CDON: variants seen among roughly 807,000 people sequenced by gnomAD.
The protein encoded by CDON is cell adhesion associated, oncogene regulated.
Under a neutral mutation model 120.9 loss-of-function variants are expected in CDON, and 73 were observed. That is an observed-to-expected ratio of 0.60 (90% CI 0.50 to 0.73). The LOEUF (loss-of-function observed/expected upper bound fraction) is 0.73. Ranked by LOEUF, CDON falls within the 30% of genes least tolerant of loss-of-function variation. CDON has a pLI of 0.00. For synonymous variants in CDON, 566 were observed against 573.5 expected, an observed-to-expected ratio of 0.99 and a Z score of 0.19; for missense variants, 1,470 against 1,587.3, an observed-to-expected ratio of 0.93 and a Z score of 1.26.
chr11:126,028,503 C>T (rs1260819310), intron 1 of CDON, among the ~76,000 whole-genome samples: 3 of 152,018 alleles, frequency 2.0e-5, no homozygotes, highest in African/African-American at 7.2e-5. Context: ...GCTGGGATTA[C>T]AGGCACGTGC....
At chr11:126,047,638 G>A (rs761811083) in intron 1 of CDON, among the ~76,000 whole-genome samples, 21 of 152,180 alleles carry the variant, frequency 1.4e-4, no homozygotes, top group Non-Finnish European at 2.5e-4. Context: ...CATTTTGCCT[G>A]TAAAGACTAA....
chr11:125,961,920 A>T lies in CDON; in HGVS notation c.3435T>A (p.Asp1145Glu). 2 of 1,614,218 alleles carry T rather than the reference A, an allele frequency of 1.2e-6. No homozygotes were observed. The highest frequency in any genetic ancestry group is 1.7e-6 in the Non-Finnish European group (2 of 1,180,028). The change falls in exon 19 of 20, where the codon GAT becomes GAA. Residue 1145 changes from aspartate (D) to glutamate (E), a missense_variant. Asp to Glu is a conservative substitution (Grantham distance 45, BLOSUM62 2). Coordinates refer to ENST00000531738, the MANE Select transcript of CDON (RefSeq NM_001378964.1). The part of the protein sequence containing the change: ...VVPVVAPYPQ[D>E]GLEMKPLSHV... Reference sequence around the variant, plus strand: ...GACTGAGGGGCTTCATTTCCAAACCATCCTGAGGATAAGGTGCTACCACAG... The same window carrying T: ...GACTGAGGGGCTTCATTTCCAAACCTTCCTGAGGATAAGGTGCTACCACAG...
chr11:126,018,488 G>T lies in CDON; in HGVS notation c.497-15C>A, dbSNP rs1328395359. 1.2e-6 allele frequency: 2 copies of T among 1,612,552 alleles called. No homozygotes were observed. Among genetic ancestry groups the T allele is most frequent in the African/African-American group, 2.7e-5 (2 of 74,878 alleles). On this transcript the variant is annotated splice_polypyrimidine_tract_variant and intron_variant, in intron 4 of 19. Coordinates refer to ENST00000531738, the MANE Select transcript of CDON (RefSeq NM_001378964.1). ...TAAGTAATTCTCTGAGGAAGGAAGG[G>T]AGTGCAGTTAGGCCTCTCCCTTTAT...
At position 125,985,786 on chromosome 11, in the gene CDON, G is replaced by A. The variant is rs138091866; in HGVS notation, c.2774-1693C>T. ...ATGAGATACCATCTCACACCAGTTA[G>A]AATGGCGATCATTAAAAAGTCAGCA... On this transcript the variant is annotated intron_variant, in intron 15 of 19. Coordinates refer to ENST00000531738, the MANE Select transcript of CDON (RefSeq NM_001378964.1). Among the ~76,000 whole-genome samples the A allele has an allele frequency of 6.9e-3, 1,052 of 152,004 alleles. 5 individuals carry two copies. The highest frequency in any genetic ancestry group is 0.012 in the Non-Finnish European group (790 of 67,976).
At chr11:126,059,259 G>A (rs1442824318) in intron 1 of CDON, among the ~76,000 whole-genome samples, 1 of 152,196 alleles carries the variant, frequency 6.6e-6, no homozygotes, top group Non-Finnish European at 1.5e-5. Flanking sequence ...ATATGCTTGT[G>A]CTTCGGAGGG....
intron 1 of CDON, among the ~76,000 whole-genome samples, chr11:126,041,438 T>A (rs547176092): frequency 1.3e-5 from 2 of 152,222 alleles, no homozygotes; most frequent in East Asian, 3.9e-4. Context: ...CACAACAGAC[T>A]CTCTTCACAC....
intron 2 of CDON, among the ~76,000 whole-genome samples, chr11:126,022,110 A>G (rs1947660847): frequency 6.6e-6 from 1 of 151,014 alleles, no homozygotes; most frequent in Non-Finnish European, 1.5e-5. Flanking sequence ...TCAAAAAAAA[A>G]AAAAAAAAAA....
intron 7 of CDON, among the ~76,000 whole-genome samples, chr11:126,011,690 A>T (rs1947308134): frequency 6.6e-6 from 1 of 152,190 alleles, no homozygotes; most frequent in Non-Finnish European, 1.5e-5. Flanking sequence ...TCAGCTTTTA[A>T]CAGTATCTAT....
chr11:125,992,099 T>A (rs1023485452), intron 14 of CDON, among the ~76,000 whole-genome samples: 10 of 152,130 alleles, frequency 6.6e-5, no homozygotes, highest in Admixed American at 5.9e-4. Context: ...TTTATTTACA[T>A]GTCTTGTTTA....
intron 4 of CDON, 71 bp downstream of exon 4, chr11:126,019,548 G>GA: frequency 6.5e-7 from 1 of 1,536,654 alleles, no homozygotes; most frequent in South Asian, 1.1e-5. Context: ...CTAGCACACA[G>GA]AGCTTAGAAG....
chr11:125,994,537 AT>A (rs1261703001), intron 13 of CDON, 148 bp from the exon 14 acceptor site: 20 of 661,080 alleles, frequency 3.0e-5, no homozygotes, highest in Non-Finnish European at 5.1e-5. Context: ...CTTCAAAGGT[AT>A]TAAAAGCATT....
intron 1 of CDON, among the ~76,000 whole-genome samples, chr11:126,062,139 T>G (rs1948813025): frequency 6.6e-6 from 1 of 152,100 alleles, no homozygotes; most frequent in South Asian, 2.1e-4. Context: ...AAAGATACAT[T>G]GTGCAGGAAA....
rs972170135 is a variant in CDON at position 125,996,839 on chromosome 11, G to A, written c.2362+368C>T. ...ATTTTCACATTTTTATACAATAAGC[G>A]TGAATACTTTAACAATTCGAAAAAA... is the stretch of plus-strand genomic sequence containing the variant. On this transcript the variant is annotated intron_variant, in intron 12 of 19. Transcript: ENST00000531738. Among the ~76,000 whole-genome samples the A allele has an allele frequency of 7.3e-5, 11 of 150,840 alleles. No homozygotes were observed. The East Asian group carries it at 9.9e-4, about 14-fold the overall frequency.
intron 11 of CDON, among the ~76,000 whole-genome samples, chr11:125,997,741 G>A (rs1386531853): frequency 6.6e-6 from 1 of 152,136 alleles, no homozygotes; most frequent in Non-Finnish European, 1.5e-5. Context: ...TTTGATTGTG[G>A]TTAAAATTTA....
At chr11:126,040,920 G>A (rs1948243964) in intron 1 of CDON, among the ~76,000 whole-genome samples, 1 of 150,236 alleles carries the variant, frequency 6.7e-6, no homozygotes. Context: ...GCTGGGCACA[G>A]TGGCTCACGC....
In CDON at chr11:126,017,302, A is replaced by C; in HGVS notation, c.714T>G (p.Pro238=). The C allele has an allele frequency of 1.2e-6, 2 of 1,614,144 alleles. No homozygotes were observed. The highest frequency in any genetic ancestry group is 1.7e-6 in the Non-Finnish European group (2 of 1,180,002). The part of the protein sequence containing the change: ...SQALAVLSRS[P]VTLECVVSGV... ...CACTCACCACACACTCCAAGGTTAC[A>C]GGGCTACGAGAAAGAACAGCTAATG... Residue 238 remains proline (P), a synonymous_variant, in exon 6 of 20, where the codon CCT becomes CCG. Transcript: ENST00000531738.
At position 126,005,818 on chromosome 11, in the gene CDON, A is replaced by C; in HGVS notation, c.1792T>G (p.Trp598Gly). ...THTPDTYNLV[W>G]RAGKDGGLPI... ...AGCCCACCATCCTTGCCTGCCCTCC[A>C]CACCAGGTTGTACGTGTCTGGTGTG... The change falls in exon 9 of 20, where the codon TGG becomes GGG. Residue 598 changes from tryptophan to glycine, a missense_variant. Trp to Gly is a radical substitution (Grantham distance 184). Transcript: ENST00000531738. 1 of 1,614,138 alleles carries C rather than the reference A, an allele frequency of 6.2e-7. No homozygotes were observed. Among genetic ancestry groups the C allele is most frequent in the Non-Finnish European group, 8.5e-7 (1 of 1,180,030 alleles).
intron 1 of CDON, among the ~76,000 whole-genome samples, chr11:126,054,852 T>G (rs1295618243): frequency 6.6e-6 from 1 of 151,978 alleles, no homozygotes; most frequent in Non-Finnish European, 1.5e-5. Flanking sequence ...CCTTAAGGAA[T>G]AAAGGGGAGA....
intron 6 of CDON, 45 bp from the exon 7 acceptor site, chr11:126,015,555 C>G (rs756752548): frequency 4.0e-5 from 63 of 1,592,386 alleles, no homozygotes; most frequent in Non-Finnish European, 5.2e-5. Context: ...TCAAAATGTA[C>G]TTCTTAAATT....
Sources: allele counts gnomAD v4.1 joint callset (sites outside exome capture counted in the v4.1 genomes callset), GRCh38; gene constraint gnomAD v4.1.1; transcripts MANE v1.5; gene names NCBI Gene and HGNC (gene_info 2026-07-23, HGNC 2026-07-21).